STPG2: variants seen among roughly 807,000 people sequenced by gnomAD.
STPG2 encodes sperm tail PG-rich repeat containing 2, also known as sperm-tail PG-rich repeat-containing protein 2.
Under a neutral mutation model 54.2 loss-of-function variants are expected in STPG2, and 56 were observed. The ratio of observed to expected loss-of-function variants is 1.03; its 90% CI spans 0.83 to 1.29. The LOEUF (loss-of-function observed/expected upper bound fraction) is 1.29. Among genes scored for constraint, STPG2 ranks in the 50% most tolerant of loss-of-function variants. The pLI is 0.00. For synonymous variants in STPG2, 200 were observed against 181.8 expected (o/e 1.10, Z -0.81); for missense variants, 596 against 544.9 (o/e 1.09, Z -0.93).
At chr4:97,476,057 A>G (rs559755523) in intron 4 of STPG2, among the ~76,000 whole-genome samples, 4 of 152,206 alleles carry the variant, frequency 2.6e-5, no homozygotes, top group Non-Finnish European at 5.9e-5. Flanking sequence ...ACCTAGTGCT[A>G]AAGACATGTG....
chr4:97,612,259 A>C (rs909917630), intron 10 of STPG2, among the ~76,000 whole-genome samples: 1 of 151,202 alleles, frequency 6.6e-6, no homozygotes, highest in Non-Finnish European at 1.5e-5. Context: ...CAAAAAAAAA[A>C]ACAAAAAAAA....
In STPG2 at chr4:98,106,183, A is replaced by T. The variant is rs1026351996; in HGVS notation, c.501-119T>A. The T allele has an allele frequency of 1.1e-5, 8 of 732,834 alleles. No individual in the cohort carries two copies. The African/African-American group carries it at 1.3e-4, about 12-fold the overall frequency. The allele number at this position is 732,834 out of a possible 1,614,324, so 45.4% of individuals were successfully genotyped here. A position where few individuals can be genotyped will look rare whatever the true frequency, so the allele number is the denominator to read the frequency against. On this transcript the variant is annotated intron_variant, in intron 4 of 10. Transcript: ENST00000295268. ...TGCAATTAAACTATGGAATAATAAG[A>T]TTATCTAGGTATATTAGACCAATAT...
chr4:97,836,468 CAT>C (rs1326373645), intron 9 of STPG2, among the ~76,000 whole-genome samples: 1 of 151,816 alleles, frequency 6.6e-6, no homozygotes, highest in Non-Finnish European at 1.5e-5. Flanking sequence ...ATAGTCTAAA[CAT>C]ATTTTTTATG....
At chr4:97,796,998 T>C (rs1386750871) in intron 9 of STPG2, among the ~76,000 whole-genome samples, 1 of 152,176 alleles carries the variant, frequency 6.6e-6, no homozygotes, top group Non-Finnish European at 1.5e-5. Flanking sequence ...TCTCTGTTAT[T>C]GGTGTATAAG....
At chr4:98,140,743 C>T (rs557207430) in intron 1 of STPG2, among the ~76,000 whole-genome samples, 4 of 152,062 alleles carry the variant, frequency 2.6e-5, no homozygotes, top group East Asian at 3.9e-4. Flanking sequence ...CTTCAGATAC[C>T]GGAGACCATC....
At chr4:97,706,042 A>G (rs1190621410) in intron 10 of STPG2, among the ~76,000 whole-genome samples, 1 of 152,164 alleles carries the variant, frequency 6.6e-6, no homozygotes, top group East Asian at 1.9e-4. Flanking sequence ...AAGTGATCAA[A>G]GTGCAATTTA....
intron 10 of STPG2, among the ~76,000 whole-genome samples, chr4:97,642,295 A>T (rs1721787910): frequency 1.3e-5 from 2 of 151,384 alleles, no homozygotes; most frequent in Non-Finnish European, 3.0e-5. Context: ...GCCATTAAAC[A>T]TGCTTTATGA....
chr4:97,636,379 A>G lies in STPG2; in HGVS notation c.1320+76320T>C, dbSNP rs917369312. Among the ~76,000 whole-genome samples, 7 of 139,530 alleles carry G rather than the reference A, an allele frequency of 5.0e-5. 1 individual carries two copies. Among genetic ancestry groups the G allele is most frequent in the African/African-American group, 1.5e-4 (6 of 38,902 alleles). The allele number at this position is 139,530 out of a possible 152,430, so 91.5% of individuals were successfully genotyped here. On this transcript the variant is annotated intron_variant, in intron 10 of 10. Coordinates refer to ENST00000295268, the MANE Select transcript of STPG2 (RefSeq NM_174952.3). ...AAATTTATAGCATTAAATGCCCACAAGAGAAAGCAGGAAAGATCCAAAATT... is the reference window on the plus strand; with the variant it reads ...AAATTTATAGCATTAAATGCCCACAGGAGAAAGCAGGAAAGATCCAAAATT...
chr4:97,499,584 A>G (rs1730682163), intron 4 of STPG2, among the ~76,000 whole-genome samples: 1 of 152,086 alleles, frequency 6.6e-6, no homozygotes, highest in Non-Finnish European at 1.5e-5. Context: ...CTTATAGGAT[A>G]TCATATTCTT....
chr4:97,951,484 G>C (rs1453716621), intron 7 of STPG2, among the ~76,000 whole-genome samples: 2 of 151,958 alleles, frequency 1.3e-5, no homozygotes, highest in Non-Finnish European at 2.9e-5. Context: ...TGTTTTATTT[G>C]ACTGTGTTTT....
At chr4:97,880,915 A>T (rs1730345351) in intron 8 of STPG2, among the ~76,000 whole-genome samples, 1 of 152,096 alleles carries the variant, frequency 6.6e-6, no homozygotes, top group Non-Finnish European at 1.5e-5. Context: ...AGAGCTTCAA[A>T]TATTCTTTGT....
chr4:97,512,475 T>C (rs1024568995), intron 4 of STPG2, among the ~76,000 whole-genome samples: 2 of 152,120 alleles, frequency 1.3e-5, no homozygotes, highest in African/African-American at 4.8e-5. Flanking sequence ...AGATGTGGTC[T>C]GGATCAACAG....
intron 10 of STPG2, among the ~76,000 whole-genome samples, chr4:97,597,486 C>T (rs991225401): frequency 1.3e-5 from 2 of 150,996 alleles, no homozygotes; most frequent in African/African-American, 2.4e-5. Flanking sequence ...TATCCTTCAA[C>T]GAAACTCTAG....
rs111231898 is a variant in STPG2 at position 97,444,345 on chromosome 4, A to G, written c.463-256512T>C. Among the ~76,000 whole-genome samples, 907 of 152,324 alleles carry G rather than the reference A, an allele frequency of 6.0e-3. 6 individuals carry two copies. Among genetic ancestry groups the G allele is most frequent in the African/African-American group, 0.021 (868 of 41,574 alleles). On this transcript the variant is annotated intron_variant, in intron 4 of 4. Transcript: ENST00000522676. ...ATTGGGGCAGAAGGTAGGAAAATCT[A>G]AGAGGATTAGAGTAAAATTGACTTT...
intron 10 of STPG2, among the ~76,000 whole-genome samples, chr4:97,637,320 T>G (rs1465049646): frequency 2.0e-5 from 3 of 152,110 alleles, no homozygotes; most frequent in Non-Finnish European, 4.4e-5. Context: ...TCTCAGTAAA[T>G]TAAGTATTGA....
At chr4:97,812,103 T>C (rs1442704850) in intron 9 of STPG2, among the ~76,000 whole-genome samples, 2 of 152,108 alleles carry the variant, frequency 1.3e-5, no homozygotes, top group Non-Finnish European at 2.9e-5. Flanking sequence ...CAGTGCTAAA[T>C]AGTTAAATGC....
intron 5 of STPG2, 129 bp from the exon 6 acceptor site, chr4:97,981,447 G>T: frequency 1.1e-6 from 1 of 915,226 alleles, no homozygotes; most frequent in Non-Finnish European, 1.6e-6. Context: ...TGAAGAAAAT[G>T]TAGATGAACT....
intron 5 of STPG2, among the ~76,000 whole-genome samples, chr4:98,085,993 A>G (rs1411511198): frequency 3.3e-5 from 5 of 152,134 alleles, no homozygotes; most frequent in African/African-American, 1.2e-4. Flanking sequence ...GGCTCAGATG[A>G]GCACATAAAA....
chr4:97,549,949 T>G (rs1731927900), intron 4 of STPG2, among the ~76,000 whole-genome samples: 1 of 152,182 alleles, frequency 6.6e-6, no homozygotes, highest in Non-Finnish European at 1.5e-5. Context: ...TACAGTATAT[T>G]TATGACTTTG....
Sources: allele counts gnomAD v4.1 joint callset (sites outside exome capture counted in the v4.1 genomes callset), GRCh38; gene constraint gnomAD v4.1.1; transcripts MANE v1.5; gene names NCBI Gene and HGNC (gene_info 2026-07-23, HGNC 2026-07-21).